The following ESPN variants were observed in gnomAD, a reference collection of about 807,000 sequenced individuals.
ESPN encodes the protein autosomal recessive deafness type 36 protein.
ESPN carries 68 observed loss-of-function variants against 77.7 expected under a neutral mutation model. That is an observed-to-expected ratio of 0.87 (90% confidence interval 0.72 to 1.07). ESPN has a LOEUF of 1.07. Among genes scored for constraint, ESPN ranks in the 50% least tolerant of loss-of-function variants. The probability of loss-of-function intolerance (pLI) is 0.00; values close to 1 mark genes in which losing one functional copy is unlikely to be tolerated. For missense variants in ESPN, 1,060 were observed against 1,239.0 expected, an observed-to-expected ratio of 0.86 and a Z score of 2.17; for synonymous variants, 449 against 567.1, an observed-to-expected ratio of 0.79 and a Z score of 2.96.
In ESPN at chr1:6,445,618, C is replaced by T. The variant is rs575778504; in HGVS notation, c.1193-46C>T. ...GGAGAGTCTCAGTCTTGGGGGACAG[C>T]CTGTCTGCATGCTCCCAAATCTGGC... On this transcript the variant is annotated intron_variant, in intron 6 of 12. Transcript: ENST00000645284. 2.3e-5 allele frequency: 36 copies of T among 1,597,594 alleles called. No individual in the cohort carries two copies. The East Asian group carries it at 7.9e-4, about 35-fold the overall frequency.
chr1:6,451,050 ATG>A lies in ESPN; in HGVS notation c.1916-549_1916-548del, dbSNP rs1643935442. On this transcript the variant is annotated intron_variant, in intron 8 of 12. Transcript: ENST00000645284. The surrounding 1 kb of genome is among the most constrained non-coding windows in gnomAD (Gnocchi z 4.3). ...TAAAGGTGCTCCCGGCTTGCAACCA[ATG>A]TGTCTGCTTGTGCATCTGTCTGTGG... 6.6e-6 allele frequency among the ~76,000 whole-genome samples: 1 copy of A among 152,024 alleles called. No individual in the cohort carries two copies. The highest frequency in any genetic ancestry group is 6.5e-5 in the Admixed American group (1 of 15,272).
intron 2 of ESPN, among the ~76,000 whole-genome samples, chr1:6,433,949 C>G (rs1161548313): frequency 6.6e-6 from 1 of 152,154 alleles, no homozygotes; most frequent in Non-Finnish European, 1.5e-5. Context: ...CTCTATCGCC[C>G]AGGCTGGAGT....
At position 6,435,672 on chromosome 1, in the gene ESPN, A is replaced by C. The variant is rs185346366; in HGVS notation, c.489-4582A>C. Among the ~76,000 whole-genome samples the C allele has an allele frequency of 2.0e-5, 3 of 152,262 alleles. No homozygotes were observed. The East Asian group carries it at 5.8e-4, about 29-fold the overall frequency. ...GTCTGGGAGTCAGAGGTCTCCCCAA[A>C]GACCCATCCTCTCCCCTCTAGGTAG... On this transcript the variant is annotated intron_variant, in intron 2 of 12. Transcript: ENST00000645284.
intron 2 of ESPN, among the ~76,000 whole-genome samples, chr1:6,431,635 A>G (rs1406384575): frequency 9.3e-6 from 1 of 107,078 alleles, no homozygotes; most frequent in African/African-American, 4.3e-5. Context: ...TGTCAAAAAA[A>G]AAAAAAAAAA....
rs1320789062 is a variant in ESPN, at chr1:6,452,787, T to G, written c.2325+691T>G. 6.6e-5 allele frequency among the ~76,000 whole-genome samples: 10 copies of G among 152,360 alleles called. No homozygotes were observed. The East Asian group carries it at 1.7e-3, about 26-fold the overall frequency. ...GCCTTCCAGCTGCCGATACTGAGCC[T>G]CATCCAGCCTCAGTTTCCTTCTCTG... On this transcript the variant is annotated intron_variant, in intron 10 of 12. Coordinates refer to ENST00000645284, the MANE Select transcript of ESPN (RefSeq NM_031475.3).
At chr1:6,434,275 A>G (rs956371042) in intron 2 of ESPN, among the ~76,000 whole-genome samples, 13 of 152,180 alleles carry the variant, frequency 8.5e-5, no homozygotes, top group African/African-American at 3.1e-4. Flanking sequence ...GCTAACCCCT[A>G]GGAGAAACCC....
intron 10 of ESPN, chr1:6,455,578 C>G: frequency 2.5e-6 from 1 of 399,098 alleles, no homozygotes; most frequent in Non-Finnish European, 4.4e-6. Flanking sequence ...CTGTATTGGC[C>G]CCAGCACTTC....
At position 6,459,968 on chromosome 1, in the gene ESPN, A is replaced by G. The variant is rs202241124; in HGVS notation, c.2418-31A>G. The G allele has an allele frequency of 4.7e-5, 75 of 1,612,634 alleles. 1 individual carries two copies. The South Asian group carries it at 7.7e-4, about 17-fold the overall frequency. ...GCCTGGGTATCTGGCCCCAGACTTC[A>G]CCGGGTCTGCCCCCCTCCCCACTGC... On this transcript the variant is annotated intron_variant, in intron 12 of 12. Coordinates refer to ENST00000645284, the MANE Select transcript of ESPN (RefSeq NM_031475.3).
Position 6,428,109 on chromosome 1 carries a change from C to T in ESPN, c.295-117C>T. The T allele has an allele frequency of 4.4e-6, 5 of 1,147,542 alleles. No individual in the cohort carries two copies. The South Asian group carries it at 6.3e-5, about 14-fold the overall frequency. 71.1% of individuals were successfully genotyped at this position (1,147,542 alleles called of 1,614,324 possible). On this transcript the variant is annotated intron_variant, in intron 1 of 12. Transcript: ENST00000645284. The surrounding 1 kb of genome is among the most constrained non-coding windows in gnomAD (Gnocchi z 5.4). ...GCTGAATGAGGCCTGGCCAATCCCT[C>T]CAGGGAAGACAGAGAGCACAGAGCT...
chr1:6,436,105 G>C (rs1422213652), intron 2 of ESPN, among the ~76,000 whole-genome samples: 2 of 152,202 alleles, frequency 1.3e-5, no homozygotes, highest in African/African-American at 4.8e-5. Flanking sequence ...TGAGGTCTGC[G>C]GGAGAAGGGC....
chr1:6,424,913 G>T lies in ESPN; in HGVS notation c.-43G>T. On this transcript the variant is annotated 5_prime_UTR_variant, in exon 1 of 13. Coordinates refer to ENST00000645284, the MANE Select transcript of ESPN (RefSeq NM_031475.3). Reference sequence around the variant, plus strand: ...GCAAGAACACGTGCATGGCGTCCTGGGGAAGGCGCTGAGTGCGGAGTCGCG... The same window carrying T: ...GCAAGAACACGTGCATGGCGTCCTGTGGAAGGCGCTGAGTGCGGAGTCGCG... 1 of 1,419,678 alleles carries T rather than the reference G, an allele frequency of 7.0e-7. No individual in the cohort carries two copies. The highest frequency in any genetic ancestry group is 9.2e-7 in the Non-Finnish European group (1 of 1,088,726). The allele number at this position is 1,419,678 out of a possible 1,614,324, so 87.9% of individuals were successfully genotyped here.
chr1:6,435,709 A>G (rs905991562), intron 2 of ESPN, among the ~76,000 whole-genome samples: 1 of 152,200 alleles, frequency 6.6e-6, no homozygotes, highest in Admixed American at 6.5e-5. Flanking sequence ...GTTCCCCACA[A>G]CAGAAATGGT....
At position 6,451,885 on chromosome 1, in the gene ESPN, CCA is replaced by C; in HGVS notation, c.2118_2119del (p.Pro707AlafsTer38). On this transcript the variant is annotated frameshift_variant, in exon 10 of 13. Transcript: ENST00000645284. LOFTEE classifies it high-confidence loss of function. This position sits in a 1 kb window ranked among gnomAD's most constrained non-coding sequence, Gnocchi z 4.3. ...CCTGCACTGTCACCAGTCCGGAGCC[CCA>C]CACCGCCAGCTGCGGGGTTTCAGCC... 1 of 1,611,200 alleles carries C rather than the reference CCA, an allele frequency of 6.2e-7. No individual in the cohort carries two copies. The highest frequency in any genetic ancestry group is 8.5e-7 in the Non-Finnish European group (1 of 1,179,042).
intron 12 of ESPN, 106 bp downstream of exon 12, chr1:6,457,478 C>A: frequency 7.4e-7 from 1 of 1,351,176 alleles, no homozygotes; most frequent in Non-Finnish European, 1.1e-6. Context: ...GTCTCTTGGC[C>A]CTTGTAGCAC....
intron 6 of ESPN, 173 bp from the exon 7 acceptor site, chr1:6,445,491 A>C: frequency 1.4e-6 from 1 of 717,760 alleles, no homozygotes; most frequent in Non-Finnish European, 2.5e-6. Flanking sequence ...GGGGCAGGGT[A>C]GGGCCAGGGA....
Position 6,428,446 on chromosome 1 carries a change from T to C in ESPN, c.488+27T>C, listed in dbSNP as rs1379787818. 3.2e-6 allele frequency: 5 copies of C among 1,585,232 alleles called. No homozygotes were observed. The highest frequency in any genetic ancestry group is 4.3e-6 in the Non-Finnish European group (5 of 1,161,000). On this transcript the variant is annotated intron_variant, in intron 2 of 12. Coordinates refer to ENST00000645284, the MANE Select transcript of ESPN (RefSeq NM_031475.3). The surrounding 1 kb of genome is among the most constrained non-coding windows in gnomAD (Gnocchi z 5.4). The stretch of plus-strand genomic sequence containing the variant: ...TAAGATCACCCCTCTTAAGGGGTCC[T>C]CTGGGTGGGCTGGGCCAGGGCTTTG...
Position 6,451,849 on chromosome 1 carries a change from C to G in ESPN, c.2078C>G (p.Pro693Arg). 1 of 1,611,762 alleles carries G rather than the reference C, an allele frequency of 6.2e-7. No individual in the cohort carries two copies. ...QPAFQPDSPL[P>R]SVSPALSPVR... The stretch of plus-strand genomic sequence containing the variant: ...TCCCTGCAGCCCGATTCGCCGCTGC[C>G]TTCTGTGTCACCTGCACTGTCACCA... The change falls in exon 10 of 13, where the codon CCT becomes CGT. Residue 693 changes from proline to arginine, a missense_variant. Around this residue, in one of 3 missense-constraint regions of ESPN, gnomAD observed 374 missense variants for 381.4 expected, o/e 0.98. Transcript: ENST00000645284. This position sits in a 1 kb window ranked among gnomAD's most constrained non-coding sequence, Gnocchi z 4.3.
rs60576561 is a variant in ESPN, at chr1:6,428,775, C to T, written c.488+356C>T. ...CTCTGGCTCAGGCTGTGCTCATTTG[C>T]AAGACTGTTCAGGATGGAGTCGGGG... On this transcript the variant is annotated intron_variant, in intron 2 of 12. Transcript: ENST00000645284. This position sits in a 1 kb window ranked among gnomAD's most constrained non-coding sequence, Gnocchi z 5.4. 0.054 allele frequency among the ~76,000 whole-genome samples: 8,218 copies of T among 152,222 alleles called. 608 individuals carry two copies. The highest frequency in any genetic ancestry group is 0.17 in the African/African-American group (7,003 of 41,490).
chr1:6,444,665 G>T lies in ESPN; in HGVS notation c.1175G>T (p.Gly392Val). 6.2e-7 allele frequency: 1 copy of T among 1,614,166 alleles called. No homozygotes were observed. The highest frequency in any genetic ancestry group is 8.5e-7 in the Non-Finnish European group (1 of 1,180,014). Residue 392 changes from glycine (G) to valine (V), a missense_variant, in exon 6 of 13, where the codon GGC (glycine) becomes GTC (valine). Transcript: ENST00000645284. The part of the protein sequence containing the change: ...SCSSSHSSIK[G>V]QHPPCGLSSA... ...TCCTCCAGCCACTCCAGCATCAAGG[G>T]CCAGCACCCTCCATGTGGTGAGTGT...
Sources: allele counts gnomAD v4.1 joint callset (sites outside exome capture counted in the v4.1 genomes callset), GRCh38; gene constraint gnomAD v4.1.1; regional missense constraint gnomAD v4.1.1; non-coding constraint Gnocchi (gnomAD v3.1); transcripts MANE v1.5; gene names NCBI Gene and HGNC (gene_info 2026-07-23, HGNC 2026-07-21).